ST18: variants seen among roughly 807,000 people sequenced by gnomAD.
ST18 encodes the protein suppression of tumorigenicity 18 protein.
In ST18, 50 loss-of-function variants were observed where a neutral mutation model predicts 110.0. The observed-to-expected ratio is 0.45, with a 90% CI of 0.36 to 0.58. ST18 has a LOEUF of 0.58. ST18 is among the 20% of genes least tolerant of loss of function. The probability of loss-of-function intolerance (pLI) is 0.00; values close to 1 mark genes in which losing one functional copy is unlikely to be tolerated. For synonymous variants in ST18, 461 were observed against 452.4 expected (o/e 1.02, Z -0.24); for missense variants, 1,306 against 1,280.1 (o/e 1.02, Z -0.31).
intron 8 of ST18, among the ~76,000 whole-genome samples, chr8:52,191,628 C>T (rs941575265): frequency 1.2e-4 from 19 of 152,184 alleles, no homozygotes; most frequent in African/African-American, 3.6e-4. Context: ...TGGTTCACCT[C>T]AGCATCTGAG....
rs758968851 is a variant in ST18 at position 52,136,625 on chromosome 8, T to C, written c.2265A>G (p.Leu755=). The C allele has an allele frequency of 6.2e-7, 1 of 1,611,354 alleles. No homozygotes were observed. Among genetic ancestry groups the C allele is most frequent in the South Asian group, 1.1e-5 (1 of 89,938 alleles). The change falls in exon 19 of 26, where the codon CTA becomes CTG. Residue 755 remains leucine (L), a synonymous_variant. Coordinates refer to ENST00000689386, the MANE Select transcript of ST18 (RefSeq NM_001352837.2). The part of the protein sequence containing the change: ...VSGCPLADKT[L]KSLMAANSQE... ...GAGAGTTGGCAGCCATGAGGGATTT[T>C]AGAGTCTTATCTGCTAAAGGACATC...
intron 2 of ST18, among the ~76,000 whole-genome samples, chr8:52,342,248 G>T (rs1815400321): frequency 1.3e-5 from 2 of 152,010 alleles, no homozygotes; most frequent in Non-Finnish European, 2.9e-5. Context: ...AAAATACGTT[G>T]TATTCAGAGC....
At chr8:52,303,820 T>G (rs1005807658) in intron 2 of ST18, among the ~76,000 whole-genome samples, 4 of 152,220 alleles carry the variant, frequency 2.6e-5, no homozygotes, top group Admixed American at 2.6e-4. Context: ...AGACACTAAA[T>G]GCAGTGCTTT....
In ST18 at chr8:52,159,017, A is replaced by G; in HGVS notation, c.1687T>C (p.Tyr563His). The G allele has an allele frequency of 6.2e-7, 1 of 1,614,132 alleles. No homozygotes were observed. The highest frequency in any genetic ancestry group is 8.5e-7 in the Non-Finnish European group (1 of 1,180,008). Residue 563 changes from tyrosine (Y) to histidine (H), a missense_variant, in exon 15 of 26, where the codon TAC becomes CAC. Tyr to His is a moderately conservative substitution (Grantham distance 83). Coordinates refer to ENST00000689386, the MANE Select transcript of ST18 (RefSeq NM_001352837.2). The part of the protein sequence containing the change: ...QSPGRASSYS[Y>H]GQCSEDTHIA... ...TGGGTGTCTTCACTACATTGACCGT[A>G]GCTATAAGAGCTGGCACGGCCAGGG... is the stretch of plus-strand genomic sequence containing the variant.
At chr8:52,177,357 C>G (rs1031457939) in intron 9 of ST18, among the ~76,000 whole-genome samples, 2 of 152,232 alleles carry the variant, frequency 1.3e-5, no homozygotes, top group Non-Finnish European at 2.9e-5. Flanking sequence ...AAGCTCCTGA[C>G]CTCAGTCTCT....
chr8:52,168,595 A>G (rs1421764333), intron 10 of ST18, among the ~76,000 whole-genome samples: 1 of 152,070 alleles, frequency 6.6e-6, no homozygotes, highest in Non-Finnish European at 1.5e-5. Flanking sequence ...AGGGTCAGGG[A>G]GGTCAGGAGA....
chr8:52,211,947 C>A, intron 8 of ST18, 132 bp downstream of exon 8: 1 of 859,840 alleles, frequency 1.2e-6, no homozygotes, highest in South Asian at 1.5e-5. Flanking sequence ...GCATACACAA[C>A]GTCTGGATGG....
At chr8:52,273,111 G>A (rs1416943399) in intron 2 of ST18, among the ~76,000 whole-genome samples, 1 of 152,098 alleles carries the variant, frequency 6.6e-6, no homozygotes, top group African/African-American at 2.4e-5. Flanking sequence ...AAAAAGATTG[G>A]AAAGGTTCTG....
At chr8:52,375,514 ACT>A (rs927653127) in intron 2 of ST18, among the ~76,000 whole-genome samples, 5 of 151,584 alleles carry the variant, frequency 3.3e-5, no homozygotes, top group Non-Finnish European at 7.4e-5. Flanking sequence ...AGGACAACAC[ACT>A]CTGTTGTTTT....
intron 23 of ST18, among the ~76,000 whole-genome samples, chr8:52,122,297 T>C (rs1169463796): frequency 6.6e-6 from 1 of 152,098 alleles, no homozygotes; most frequent in Non-Finnish European, 1.5e-5. Flanking sequence ...GGATTATATA[T>C]TATATTTTCT....
At chr8:52,149,130 T>G in intron 16 of ST18, among the ~76,000 whole-genome samples, 1 of 152,226 alleles carries the variant, frequency 6.6e-6, no homozygotes, top group Non-Finnish European at 1.5e-5. Context: ...GTTAGATGAA[T>G]TCCTGCACTG....
intron 2 of ST18, among the ~76,000 whole-genome samples, chr8:52,382,232 C>T (rs141443441): frequency 4.6e-5 from 7 of 152,252 alleles, no homozygotes; most frequent in South Asian, 2.1e-4. Context: ...ATAACATTTA[C>T]GGCAGTTTGT....
intron 25 of ST18, among the ~76,000 whole-genome samples, chr8:52,113,768 A>G (rs1470483662): frequency 6.6e-6 from 1 of 151,970 alleles, no homozygotes; most frequent in Non-Finnish European, 1.5e-5. Context: ...CTGGGCAGAA[A>G]CTTAAAGAAT....
intron 8 of ST18, among the ~76,000 whole-genome samples, chr8:52,196,236 C>G (rs1393188384): frequency 1.3e-5 from 2 of 152,170 alleles, no homozygotes; most frequent in Non-Finnish European, 2.9e-5. Context: ...GCTCCTGGGT[C>G]AGTGGAGGAA....
chr8:52,292,907 A>G (rs2095577535), intron 2 of ST18, among the ~76,000 whole-genome samples: 1 of 152,198 alleles, frequency 6.6e-6, no homozygotes, highest in Admixed American at 6.5e-5. Context: ...GATCTTGTAC[A>G]AAGAAGTTAT....
intron 14 of ST18, 61 bp from the exon 15 acceptor site, chr8:52,159,170 TG>T (rs1340994231): frequency 1.3e-5 from 19 of 1,502,220 alleles, no homozygotes; most frequent in Middle Eastern, 1.8e-4. Flanking sequence ...TAAACAGATT[TG>T]TTTTTTTTAA....
intron 2 of ST18, among the ~76,000 whole-genome samples, chr8:52,348,242 G>A (rs1164005729): frequency 6.6e-6 from 1 of 152,188 alleles, no homozygotes; most frequent in Non-Finnish European, 1.5e-5. Context: ...AGTTCTCTCA[G>A]TTCTACAGTT....
chr8:52,116,501 A>G, intron 24 of ST18, 83 bp from the exon 25 acceptor site: 2 of 1,373,748 alleles, frequency 1.5e-6, no homozygotes, highest in Non-Finnish European at 2.0e-6. Flanking sequence ...AAATGCACCA[A>G]GTGCATCTGA....
chr8:52,245,193 C>G (rs1018093981), intron 2 of ST18, among the ~76,000 whole-genome samples: 4 of 152,136 alleles, frequency 2.6e-5, no homozygotes, highest in Non-Finnish European at 5.9e-5. Flanking sequence ...AAAGAGCAAA[C>G]AGTGGACACA....
Sources: gnomAD v4.1 joint callset for allele counts (sites outside exome capture counted in the v4.1 genomes callset) on GRCh38, gnomAD v4.1.1 for gene constraint, MANE v1.5 for transcripts, NCBI Gene and HGNC (gene_info 2026-07-23, HGNC 2026-07-21) for gene names.